The following COPS7B variants were observed in gnomAD, a reference collection of about 807,000 sequenced individuals.
The protein encoded by COPS7B is COP9 signalosome complex subunit 7b.
COPS7B carries 9 observed loss-of-function variants against 33.4 expected under a neutral mutation model. That is an observed-to-expected ratio of 0.27 (90% CI 0.16 to 0.47). The LOEUF is 0.47. Ranked by LOEUF, COPS7B falls within the 20% of genes least tolerant of loss-of-function variation. The pLI is 0.99. For missense variants in COPS7B, 242 were observed against 318.2 expected (o/e 0.76, Z 1.82); for synonymous variants, 119 against 126.3 (o/e 0.94, Z 0.39).
rs576680336 is a variant in COPS7B at position 231,788,136 on chromosome 2, G to GTT, written c.-16-400_-16-399dup. Among the ~76,000 whole-genome samples the GTT allele has an allele frequency of 7.5e-3, 859 of 114,052 alleles. 20 individuals carry two copies. Among genetic ancestry groups the GTT allele is most frequent in the Non-Finnish European group, 9.7e-3 (552 of 57,130 alleles). The allele number at this position is 114,052 out of a possible 152,430, so 74.8% of individuals were successfully genotyped here. A position where few individuals can be genotyped will look rare whatever the true frequency, so the allele number is the denominator to read the frequency against. Reference sequence around the variant, plus strand: ...GTCATTGCATCTGGACTCAGGAACTGTTTTTTTTTTTTTTTTTTTTGAGAC... The same window carrying GTT: ...GTCATTGCATCTGGACTCAGGAACTGTTTTTTTTTTTTTTTTTTTTTTGAGAC... On this transcript the variant is annotated intron_variant, in intron 1 of 6. Transcript: ENST00000350033.
intron 1 of COPS7B, among the ~76,000 whole-genome samples, chr2:231,787,738 C>T (rs1403071683): frequency 2.0e-5 from 3 of 152,160 alleles, no homozygotes; most frequent in African/African-American, 7.2e-5. Context: ...TCTGTGCTTA[C>T]TTGACTTGAT....
At chr2:231,786,431 G>A (rs1231545689), upstream of COPS7B, 2 of 985,804 alleles carry the variant, frequency 2.0e-6, no homozygotes, top group Non-Finnish European at 2.4e-6. Flanking sequence ...GGTCGGCGGA[G>A]ACAGAAAAGC....
chr2:231,791,707 T>C (rs1248222656), intron 2 of COPS7B, 26 bp from the exon 3 acceptor site: 1 of 1,608,774 alleles, frequency 6.2e-7, no homozygotes, highest in Non-Finnish European at 8.5e-7. Context: ...GTTTGGTCTG[T>C]GGTGAACTTT....
chr2:231,807,454 G>T lies in COPS7B; in HGVS notation c.637-33G>T, dbSNP rs191937623. On this transcript the variant is annotated intron_variant, in intron 6 of 6. Coordinates refer to ENST00000350033, the MANE Select transcript of COPS7B (RefSeq NM_022730.4). The stretch of plus-strand genomic sequence containing the variant: ...AGCAAGTTTTGGTGAGCACATACAG[G>T]CTGAGCACTCCAATTCTATATCTCC... The T allele has an allele frequency of 2.6e-4, 416 of 1,589,458 alleles. 1 individual carries two copies. The African/African-American group carries it at 3.9e-3, about 15-fold the overall frequency.
chr2:231,801,012 C>A (rs1051802554), intron 6 of COPS7B: 3 of 774,528 alleles, frequency 3.9e-6, no homozygotes, highest in Non-Finnish European at 2.1e-6. Flanking sequence ...GAAAAGAAAT[C>A]TACAAAGAAT....
At chr2:231,796,002 G>GT in intron 4 of COPS7B, 104 bp from the exon 5 acceptor site, 1 of 878,942 alleles carries the variant, frequency 1.1e-6, no homozygotes, top group Non-Finnish European at 1.8e-6. Flanking sequence ...ACTAGCCTGC[G>GT]TTTCCCGAGC....
In COPS7B at chr2:231,796,120, C is replaced by T. The variant is rs144978316; in HGVS notation, c.342C>T (p.Ser114=). The stretch of plus-strand genomic sequence containing the variant: ...CTTATCTACAGTGTATCCCCTACTC[C>T]GTGTTGCTGAAAGACCTGGAGATGC... The part of the protein sequence containing the change: ...LASRMKCIPY[S]VLLKDLEMRN... Residue 114 remains serine, a synonymous_variant, in exon 5 of 7, where the codon TCC becomes TCT. Transcript: ENST00000350033. 3.5e-4 allele frequency: 564 copies of T among 1,613,632 alleles called. No individual in the cohort carries two copies. The highest frequency in any genetic ancestry group is 6.5e-5 in the Non-Finnish European group (77 of 1,179,716).
intron 5 of COPS7B, among the ~76,000 whole-genome samples, chr2:231,797,901 T>G (rs1477697720): frequency 1.3e-5 from 2 of 152,222 alleles, no homozygotes; most frequent in Non-Finnish European, 2.9e-5. Flanking sequence ...TTGTTTGTTG[T>G]TTTTTGAGAC....
chr2:231,784,989 T>A, upstream of COPS7B, among the ~76,000 whole-genome samples: 1 of 152,238 alleles, frequency 6.6e-6, no homozygotes, highest in Admixed American at 6.5e-5. Flanking sequence ...TTTTGTATTT[T>A]TAGTAGAGAC....
rs1162458490 is a variant in COPS7B, at chr2:231,807,685, G to A, written c.*40G>A. The A allele has an allele frequency of 1.3e-6, 2 of 1,513,256 alleles. No homozygotes were observed. The highest frequency in any genetic ancestry group is 2.5e-5 in the South Asian group (2 of 80,760). 93.7% of individuals were successfully genotyped at this position (1,513,256 alleles called of 1,614,324 possible). On this transcript the variant is annotated 3_prime_UTR_variant, in exon 7 of 7. Coordinates refer to ENST00000350033, the MANE Select transcript of COPS7B (RefSeq NM_022730.4). Reference sequence around the variant, plus strand: ...GCTGGCACTCACCAGGCCTGGGTCAGGTGGGGAGGGGACACCAAGGGCCCA... The same window carrying A: ...GCTGGCACTCACCAGGCCTGGGTCAAGTGGGGAGGGGACACCAAGGGCCCA...
intron 6 of COPS7B, among the ~76,000 whole-genome samples, chr2:231,799,982 A>G: frequency 6.6e-6 from 1 of 152,180 alleles, no homozygotes; most frequent in Admixed American, 6.5e-5. Flanking sequence ...GTTGAACTGA[A>G]TATTTCTGGC....
intron 3 of COPS7B, among the ~76,000 whole-genome samples, chr2:231,793,008 T>C (rs541678626): frequency 2.0e-5 from 3 of 152,314 alleles, no homozygotes; most frequent in East Asian, 3.9e-4. Flanking sequence ...TGTTTTTCTG[T>C]CCTTGCTTAC....
chr2:231,787,571 G>GTTTT (rs372377989), intron 1 of COPS7B, among the ~76,000 whole-genome samples: 1 of 143,528 alleles, frequency 7.0e-6, no homozygotes, highest in African/African-American at 2.5e-5. Context: ...TTTTCTTGAG[G>GTTTT]TTTTTTTTTT....
At chr2:231,796,025 G>A in intron 4 of COPS7B, 81 bp from the exon 5 acceptor site, 1 of 1,199,620 alleles carries the variant, frequency 8.3e-7, no homozygotes, top group South Asian at 1.3e-5. Context: ...AGAGGCAGCT[G>A]TTGGCTATGG....
At position 231,807,761 on chromosome 2, in the gene COPS7B, C is replaced by G; in HGVS notation, c.*116C>G. 1.1e-6 allele frequency: 1 copy of G among 887,494 alleles called. No homozygotes were observed. Among genetic ancestry groups the G allele is most frequent in the East Asian group, 2.7e-5 (1 of 36,504 alleles). 55.0% of individuals were successfully genotyped at this position (887,494 alleles called of 1,614,324 possible). ...AGTTCCAGACCTGCCCGTCCCCTCA[C>G]CAGCGCCTCCCCACCCTGTTGGTAC... On this transcript the variant is annotated 3_prime_UTR_variant, in exon 7 of 7. Coordinates refer to ENST00000350033, the MANE Select transcript of COPS7B (RefSeq NM_022730.4).
rs747152295 is a variant in COPS7B at position 231,796,135 on chromosome 2, C to T, written c.357C>T (p.Asp119=). 1.9e-6 allele frequency: 3 copies of T among 1,614,046 alleles called. No individual in the cohort carries two copies. Among genetic ancestry groups the T allele is most frequent in the Non-Finnish European group, 1.7e-6 (2 of 1,179,966 alleles). ...TCCCCTACTCCGTGTTGCTGAAAGA[C>T]CTGGAGATGCGGAATCTCCGGGAAC... The part of the protein sequence containing the change: ...KCIPYSVLLK[D]LEMRNLRELE... The change falls in exon 5 of 7, where the codon GAC becomes GAT. Residue 119 remains aspartate, a synonymous_variant. Coordinates refer to ENST00000350033, the MANE Select transcript of COPS7B (RefSeq NM_022730.4).
intron 5 of COPS7B, among the ~76,000 whole-genome samples, chr2:231,798,525 G>T (rs1238017413): frequency 6.6e-6 from 1 of 152,124 alleles, no homozygotes; most frequent in Non-Finnish European, 1.5e-5. Context: ...AAAGAGCTGG[G>T]ATTACAGGTG....
chr2:231,801,923 C>T (rs886264112), intron 6 of COPS7B, among the ~76,000 whole-genome samples: 8 of 151,964 alleles, frequency 5.3e-5, no homozygotes, highest in African/African-American at 9.7e-5. Flanking sequence ...TACAGGTGCC[C>T]GCCACCACGC....
At chr2:231,792,424 A>G (rs2049444061) in intron 3 of COPS7B, 1 of 219,634 alleles carries the variant, frequency 4.6e-6, no homozygotes, top group Non-Finnish European at 9.2e-6. Context: ...CCTGGGAGAT[A>G]GAGACTGTAG....
Sources: gnomAD v4.1 joint callset for allele counts (sites outside exome capture counted in the v4.1 genomes callset) on GRCh38, gnomAD v4.1.1 for gene constraint, MANE v1.5 for transcripts, NCBI Gene and HGNC (gene_info 2026-07-23, HGNC 2026-07-21) for gene names.